The following DRC3 variants were observed in gnomAD, a reference collection of about 807,000 sequenced individuals.
DRC3 encodes dynein regulatory complex subunit 3.
Under a neutral mutation model 57.6 loss-of-function variants are expected in DRC3, and 45 were observed. The ratio of observed to expected loss-of-function variants is 0.78; its 90% confidence interval spans 0.62 to 1.00. The LOEUF is 1.00. DRC3 is among the 50% of genes least tolerant of loss of function. The pLI is 0.00. For synonymous variants in DRC3, 257 were observed against 272.3 expected (o/e 0.94, Z 0.55); for missense variants, 655 against 675.2 (o/e 0.97, Z 0.33).
intron 3 of DRC3, among the ~76,000 whole-genome samples, chr17:17,983,302 C>T (rs1002582902): frequency 1.3e-4 from 20 of 152,196 alleles, no homozygotes; most frequent in African/African-American, 4.8e-4. Flanking sequence ...GAGATAGATT[C>T]CATGTAGAGA....
At chr17:17,990,713 C>T (rs1309111959) in intron 5 of DRC3, among the ~76,000 whole-genome samples, 2 of 152,292 alleles carry the variant, frequency 1.3e-5, no homozygotes, top group South Asian at 2.1e-4. Context: ...AACATTTGGC[C>T]GGGCCCGGTG....
At chr17:17,995,518 A>C (rs768792328) in intron 8 of DRC3, 1 of 181,210 alleles carries the variant, frequency 5.5e-6, no homozygotes, top group Non-Finnish European at 1.2e-5. Context: ...TAGTTGGGGA[A>C]ACATAGCTTG....
chr17:17,992,246 G>C (rs1325306667), intron 5 of DRC3, among the ~76,000 whole-genome samples: 1 of 152,348 alleles, frequency 6.6e-6, no homozygotes, highest in East Asian at 1.9e-4. Context: ...CTGCACTCCA[G>C]CCTGGGCAAC....
At position 17,991,250 on chromosome 17, in the gene DRC3, G is replaced by C. The variant is rs184863762; in HGVS notation, c.445-1515G>C. On this transcript the variant is annotated intron_variant, in intron 5 of 13. Transcript: ENST00000399187. ...GATTTTTTTTTCTATCTTTTGCATA[G>C]TACAGTGTCTAGATGCTATCCAATG... 6.1e-3 allele frequency among the ~76,000 whole-genome samples: 875 copies of C among 142,708 alleles called. 5 individuals carry two copies. Among genetic ancestry groups the C allele is most frequent in the Non-Finnish European group, 8.6e-3 (564 of 65,668 alleles). 93.6% of individuals were successfully genotyped at this position (142,708 alleles called of 152,430 possible).
chr17:18,006,184 A>C lies in DRC3; in HGVS notation c.1133A>C (p.Glu378Ala), dbSNP rs2043943394. 2 of 1,608,542 alleles carry C rather than the reference A, an allele frequency of 1.2e-6. No individual in the cohort carries two copies. Among genetic ancestry groups the C allele is most frequent in the South Asian group, 2.2e-5 (2 of 90,632 alleles). ...LEMQLVEQLEETINMFERNIV... is the reference protein window; with the variant it reads ...LEMQLVEQLEATINMFERNIV... ...AACTGTGTTCTTTAACATTTCCAGG[A>C]GACTATAAACATGTTTGAAAGGAAC... The change falls in exon 11 of 14, where the codon GAG (glutamate) becomes GCG (alanine). Residue 378 changes from glutamate (E) to alanine (A), a missense_variant and splice_region_variant. Coordinates refer to ENST00000399187, the MANE Select transcript of DRC3 (RefSeq NM_031294.4).
At position 17,973,885 on chromosome 17, in the gene DRC3, A is replaced by G. The variant is rs934972535; in HGVS notation, c.-95A>G. On this transcript the variant is annotated 5_prime_UTR_variant, in exon 2 of 14. Transcript: ENST00000399187. Reference sequence around the variant, plus strand: ...TGGATCTGTTATCTGTGAGGAGGCCACTCCGTTGACAGTTGTGTAAAACTC... The same window carrying G: ...TGGATCTGTTATCTGTGAGGAGGCCGCTCCGTTGACAGTTGTGTAAAACTC... 1 of 152,248 alleles carries G rather than the reference A, an allele frequency of 6.6e-6. No individual in the cohort carries two copies. Among genetic ancestry groups the G allele is most frequent in the South Asian group, 2.1e-4 (1 of 4,834 alleles). The allele number at this position is 152,248 out of a possible 1,614,324, so 9.4% of individuals were successfully genotyped here. A position where few individuals can be genotyped will look rare whatever the true frequency, so the allele number is the denominator to read the frequency against.
intron 3 of DRC3, among the ~76,000 whole-genome samples, chr17:17,980,890 G>C (rs1263400133): frequency 6.6e-6 from 1 of 152,158 alleles, no homozygotes; most frequent in African/African-American, 2.4e-5. Context: ...ACCGCACCTA[G>C]CCACTAATTT....
intron 8 of DRC3, 148 bp from the exon 9 acceptor site, chr17:17,997,312 C>A: frequency 1.5e-6 from 1 of 688,528 alleles, no homozygotes; most frequent in Non-Finnish European, 2.3e-6. Context: ...TCTTCATCCA[C>A]CAAATGAACC....
chr17:17,975,187 A>G (rs1477346130), intron 2 of DRC3, among the ~76,000 whole-genome samples: 1 of 151,164 alleles, frequency 6.6e-6, no homozygotes, highest in Admixed American at 6.6e-5. Context: ...CAAAATTAAG[A>G]GTCATTTCCC....
In DRC3 at chr17:18,007,040, G is replaced by A. The variant is rs923910475; in HGVS notation, c.1219G>A (p.Asp407Asn). Residue 407 changes from aspartate (D) to asparagine (N), a missense_variant, in exon 12 of 14, where the codon GAC becomes AAC. By Grantham distance (23) the Asp-to-Asn change is conservative (BLOSUM62 1). Coordinates refer to ENST00000399187, the MANE Select transcript of DRC3 (RefSeq NM_031294.4). ...NVQSLMAQCRDLENHHHEKLL... is the reference protein window; with the variant it reads ...NVQSLMAQCRNLENHHHEKLL... ...GGGCTGCACGATGGCTCAGTGCCGG[G>A]ACCTGGAGAATCACCACCACGAGAA... 4 of 1,603,678 alleles carry A rather than the reference G, an allele frequency of 2.5e-6. No individual in the cohort carries two copies. In the African/African-American group the frequency reaches 5.5e-5, roughly 22 times the overall value.
chr17:17,998,680 C>A (rs2145368948), intron 9 of DRC3, among the ~76,000 whole-genome samples: 1 of 152,246 alleles, frequency 6.6e-6, no homozygotes, highest in East Asian at 1.9e-4. Flanking sequence ...CTTCCCGCCT[C>A]CCCAACGGCC....
chr17:17,985,451 G>C (rs1303641085), intron 4 of DRC3, among the ~76,000 whole-genome samples: 1 of 152,162 alleles, frequency 6.6e-6, no homozygotes, highest in African/African-American at 2.4e-5. Context: ...ATGGCACTAG[G>C]TGCCCAGGGA....
Position 17,977,756 on chromosome 17 carries a change from G to A in DRC3, c.158G>A (p.Arg53Gln), listed in dbSNP as rs552316712. 219 of 1,599,400 alleles carry A rather than the reference G, an allele frequency of 1.4e-4. No individual in the cohort carries two copies. Among genetic ancestry groups the A allele is most frequent in the Non-Finnish European group, 1.7e-4 (202 of 1,171,928 alleles). Reference sequence around the variant, plus strand: ...GTCCTGTCCCTGCAGCTGGACTTTCGGAGTATGTATCCAAGGTTCAGGGGT... The same window carrying A: ...GTCCTGTCCCTGCAGCTGGACTTTCAGAGTATGTATCCAAGGTTCAGGGGT... The part of the protein sequence containing the change: ...KDVLSLQLDF[R>Q]NILRIDNLWQ... The change falls in exon 3 of 14, where the codon CGG (arginine) becomes CAG (glutamine). Residue 53 changes from arginine to glutamine, a missense_variant and splice_region_variant. By Grantham distance (43) the Arg-to-Gln change is conservative. Transcript: ENST00000399187.
chr17:18,016,663 C>A lies in DRC3; in HGVS notation c.1564C>A (p.Leu522Ile), dbSNP rs1439880850. 23 of 1,607,716 alleles carry A rather than the reference C, an allele frequency of 1.4e-5. No individual in the cohort carries two copies. Among genetic ancestry groups the A allele is most frequent in the Non-Finnish European group, 2.0e-5 (23 of 1,174,536 alleles). ...GGACAACCTGGAATGTGGCGACATC[C>A]TAGACTAGATGAATGTCAGCCACAG... is the stretch of plus-strand genomic sequence containing the variant. The part of the protein sequence containing the change: ...ELDNLECGDI[L>I]D Residue 522 changes from leucine (L) to isoleucine (I), a missense_variant, in exon 14 of 14, where the codon CTA becomes ATA. By Grantham distance (5) the Leu-to-Ile change is conservative. Coordinates refer to ENST00000399187, the MANE Select transcript of DRC3 (RefSeq NM_031294.4).
At chr17:17,997,215 A>G (rs2043495962) in intron 8 of DRC3, among the ~76,000 whole-genome samples, 1 of 152,128 alleles carries the variant, frequency 6.6e-6, no homozygotes, top group Non-Finnish European at 1.5e-5. Context: ...CACAGGCCCC[A>G]TTCCTGAATC....
Position 17,997,617 on chromosome 17 carries a change from G to A in DRC3, c.982G>A (p.Glu328Lys), listed in dbSNP as rs372168615. 2.3e-5 allele frequency: 37 copies of A among 1,607,720 alleles called. No homozygotes were observed. The highest frequency in any genetic ancestry group is 2.8e-5 in the Non-Finnish European group (33 of 1,177,348). Reference sequence around the variant, plus strand: ...GGGCAAACGCAAGATTGCCAAATTCGAGGAGAAGCACTTGTCGGTAGGCCC... The same window carrying A: ...GGGCAAACGCAAGATTGCCAAATTCAAGGAGAAGCACTTGTCGGTAGGCCC... ...EQGKRKIAKFEEKHLSSLSAI... is the reference protein window; with the variant it reads ...EQGKRKIAKFKEKHLSSLSAI... Residue 328 changes from glutamate to lysine, a missense_variant, in exon 9 of 14, where the codon GAG becomes AAG. Transcript: ENST00000399187.
At position 18,007,126 on chromosome 17, in the gene DRC3, C is replaced by T; in HGVS notation, c.1305C>T (p.Asp435=). Residue 435 remains aspartate (D), a synonymous_variant, in exon 12 of 14, where the codon GAC becomes GAT. Coordinates refer to ENST00000399187, the MANE Select transcript of DRC3 (RefSeq NM_031294.4). ...EKIVEGDLDE[D]LPNDLRALFV... ...TTGTCGAGGGCGACCTGGACGAGGA[C>T]CTGCCTAACGACCTGCGCGCGGTAG... 8.8e-7 allele frequency: 1 copy of T among 1,131,492 alleles called. No individual in the cohort carries two copies. Among genetic ancestry groups the T allele is most frequent in the Middle Eastern group, 2.3e-4 (1 of 4,316 alleles). 70.1% of individuals were successfully genotyped at this position (1,131,492 alleles called of 1,614,324 possible).
chr17:17,999,530 C>G (rs1243061525), intron 9 of DRC3, among the ~76,000 whole-genome samples: 1 of 152,194 alleles, frequency 6.6e-6, no homozygotes, highest in Non-Finnish European at 1.5e-5. Flanking sequence ...TTCCTACGCT[C>G]CTCCCACTCA....
intron 5 of DRC3, among the ~76,000 whole-genome samples, chr17:17,991,846 C>A (rs889032974): frequency 6.6e-6 from 1 of 152,160 alleles, no homozygotes; most frequent in African/African-American, 2.4e-5. Flanking sequence ...TTACAATCTA[C>A]AAAGGCATGC....
Sources: gnomAD v4.1 joint callset for allele counts (sites outside exome capture counted in the v4.1 genomes callset) on GRCh38, gnomAD v4.1.1 for gene constraint, MANE v1.5 for transcripts, NCBI Gene and HGNC (gene_info 2026-07-23, HGNC 2026-07-21) for gene names.